Variants in ASCC1 observed in about 807,000 individuals in gnomAD.
ASCC1 encodes activating signal cointegrator 1 complex subunit 1, also known as ASC-1 complex subunit P50.
Under a neutral mutation model 46.6 loss-of-function variants are expected in ASCC1, and 35 were observed. The ratio of observed to expected loss-of-function variants is 0.75; its 90% confidence interval spans 0.57 to 0.99. The LOEUF is 0.99. Ranked by LOEUF, ASCC1 falls within the 50% of genes least tolerant of loss-of-function variation. ASCC1 has a pLI of 0.00. For missense variants in ASCC1, 376 were observed against 428.7 expected (o/e 0.88, Z 1.09); for synonymous variants, 143 against 146.6 (o/e 0.98, Z 0.18).
At chr10:72,196,380 G>A (rs958431381) in intron 5 of ASCC1, among the ~76,000 whole-genome samples, 21 of 151,110 alleles carry the variant, frequency 1.4e-4, no homozygotes, top group African/African-American at 5.1e-4. Context: ...CCAAGTTCAA[G>A]CAATTCTCCT....
intron 3 of ASCC1, among the ~76,000 whole-genome samples, chr10:72,208,482 G>A (rs1368116510): frequency 3.3e-5 from 5 of 152,202 alleles, no homozygotes; most frequent in South Asian, 2.1e-4. Context: ...ATTTGTGGCC[G>A]GGTGCGGTGG....
intron 9 of ASCC1, among the ~76,000 whole-genome samples, chr10:72,098,849 T>A (rs1841398854): frequency 6.6e-6 from 1 of 152,220 alleles, no homozygotes; most frequent in Non-Finnish European, 1.5e-5. Flanking sequence ...ACAATTAACT[T>A]CTCTTCCTGG....
intron 9 of ASCC1, among the ~76,000 whole-genome samples, chr10:72,098,502 G>A (rs1454251866): frequency 6.6e-6 from 1 of 152,226 alleles, no homozygotes; most frequent in African/African-American, 2.4e-5. Flanking sequence ...GGAGATTACA[G>A]GCATTAGCCA....
chr10:72,169,295 G>A (rs1460628763), intron 5 of ASCC1, among the ~76,000 whole-genome samples: 1 of 152,122 alleles, frequency 6.6e-6, no homozygotes, highest in Non-Finnish European at 1.5e-5. Context: ...AATTAGCCGG[G>A]TGTGGTGGCA....
intron 9 of ASCC1, among the ~76,000 whole-genome samples, chr10:72,110,031 C>T (rs1298274996): frequency 6.6e-6 from 1 of 152,234 alleles, no homozygotes; most frequent in Non-Finnish European, 1.5e-5. Flanking sequence ...GACAAAACTG[C>T]CCCTGGGGCT....
intron 7 of ASCC1, among the ~76,000 whole-genome samples, chr10:72,150,482 A>C (rs1359534396): frequency 6.6e-6 from 1 of 152,180 alleles, no homozygotes; most frequent in Non-Finnish European, 1.5e-5. Flanking sequence ...ACAAATTTCC[A>C]GTGCATGTGG....
chr10:72,144,117 C>T (rs575671127), intron 7 of ASCC1, among the ~76,000 whole-genome samples: 1 of 152,056 alleles, frequency 6.6e-6, no homozygotes, highest in East Asian at 1.9e-4. Context: ...GCTGGGATTA[C>T]AGGGACCTGC....
chr10:72,183,097 CAGTGGTG>C (rs1852889257), intron 5 of ASCC1, among the ~76,000 whole-genome samples: 2 of 148,118 alleles, frequency 1.4e-5, no homozygotes, highest in Admixed American at 6.8e-5. Flanking sequence ...GGCTGGAGTG[CAGTGGTG>C]CAATCTCAGC....
At chr10:72,157,465 G>A (rs1164415768) in intron 6 of ASCC1, among the ~76,000 whole-genome samples, 3 of 152,044 alleles carry the variant, frequency 2.0e-5, no homozygotes, top group Non-Finnish European at 4.4e-5. Flanking sequence ...GTTTTTAATG[G>A]GTTATATTTA....
chr10:72,185,679 T>C (rs1322430046), intron 5 of ASCC1, among the ~76,000 whole-genome samples: 1 of 152,180 alleles, frequency 6.6e-6, no homozygotes, highest in East Asian at 1.9e-4. Context: ...GGGGATCAAC[T>C]GCAGAGGAAA....
In ASCC1 at chr10:72,161,651, A is replaced by G. The variant is rs888679930; in HGVS notation, c.513T>C (p.Ile171=). ...GATGAAGCTTTTTAGGATTCTGGAA[A>G]ATGCTGCTGTCAACCCCATGATCCT... ...CSMDHGVDSS[I]FQNPKKLHLT... Residue 171 remains isoleucine (I), a synonymous_variant, in exon 6 of 10, where the codon ATT becomes ATC. Coordinates refer to ENST00000672957, the MANE Select transcript of ASCC1 (RefSeq NM_001198800.3). The G allele has an allele frequency of 6.2e-7, 1 of 1,614,084 alleles. No individual in the cohort carries two copies. The highest frequency in any genetic ancestry group is 1.3e-5 in the African/African-American group (1 of 74,934).
Position 72,128,155 on chromosome 10 carries a change from T to C in ASCC1, c.884A>G (p.Tyr295Cys). The change falls in exon 9 of 10, where the codon TAC becomes TGC. Residue 295 changes from tyrosine to cysteine, a missense_variant. Coordinates refer to ENST00000672957, the MANE Select transcript of ASCC1 (RefSeq NM_001198800.3). ...TTTGCCTTCCGCTGTGTAGAGATTG[T>C]ACCTGCCTTCAGCTGTAAATATTCC... Reference protein sequence around the residue: ...FRKDPNAEGRYNLYTAEGKYI... With the variant: ...FRKDPNAEGRCNLYTAEGKYI... 1.2e-6 allele frequency: 2 copies of C among 1,613,142 alleles called. No homozygotes were observed. Among genetic ancestry groups the C allele is most frequent in the South Asian group, 1.1e-5 (1 of 91,058 alleles).
At chr10:72,113,129 G>A (rs938055036) in intron 9 of ASCC1, among the ~76,000 whole-genome samples, 1 of 152,110 alleles carries the variant, frequency 6.6e-6, no homozygotes, top group African/African-American at 2.4e-5. Flanking sequence ...GTAGCTTAGT[G>A]TTTTATATTT....
intron 7 of ASCC1, among the ~76,000 whole-genome samples, chr10:72,136,486 A>C (rs907336410): frequency 6.6e-6 from 1 of 152,180 alleles, no homozygotes; most frequent in Non-Finnish European, 1.5e-5. Flanking sequence ...AAATGCACCA[A>C]TCAGCGCTCT....
At chr10:72,154,331 T>G (rs527616257) in intron 6 of ASCC1, among the ~76,000 whole-genome samples, 17 of 152,134 alleles carry the variant, frequency 1.1e-4, no homozygotes, top group African/African-American at 4.1e-4. Flanking sequence ...TAAAGTGACC[T>G]CTCTAAAGAG....
chr10:72,182,092 G>A (rs1405020607), intron 5 of ASCC1, among the ~76,000 whole-genome samples: 1 of 152,180 alleles, frequency 6.6e-6, no homozygotes, highest in Admixed American at 6.5e-5. Flanking sequence ...CAAAACTGGA[G>A]TGAAACAGCA....
At chr10:72,194,635 A>T (rs7901937) in intron 5 of ASCC1, among the ~76,000 whole-genome samples, 20,782 of 152,070 alleles carry the variant, frequency 0.14, 4,029 homozygotes, top group African/African-American at 0.43. Flanking sequence ...AATAGAAATT[A>T]AAAAAGTTAA....
chr10:72,169,120 G>A (rs1344857100), intron 5 of ASCC1, among the ~76,000 whole-genome samples: 2 of 152,164 alleles, frequency 1.3e-5, no homozygotes, highest in Non-Finnish European at 2.9e-5. Flanking sequence ...ACAATGATCT[G>A]GAGTGATATT....
intron 5 of ASCC1, among the ~76,000 whole-genome samples, chr10:72,175,660 T>C (rs1403613829): frequency 6.6e-6 from 1 of 152,242 alleles, no homozygotes; most frequent in Non-Finnish European, 1.5e-5. Context: ...GAACTTCTCA[T>C]GCATTGTCTA....
Sources: gnomAD v4.1 joint callset for allele counts (sites outside exome capture counted in the v4.1 genomes callset) on GRCh38, gnomAD v4.1.1 for gene constraint, MANE v1.5 for transcripts, NCBI Gene and HGNC (gene_info 2026-07-23, HGNC 2026-07-21) for gene names.